Variants in ABCB1 observed in about 807,000 individuals in gnomAD.
ABCB1 encodes the protein ATP binding cassette subfamily B member 1.
A neutral mutation model predicts 142.0 loss-of-function variants in ABCB1; 69 were observed. The observed-to-expected ratio is 0.49, with a 90% CI of 0.40 to 0.59. The LOEUF is 0.59. Ranked by LOEUF, ABCB1 falls within the 20% of genes least tolerant of loss-of-function variation. The pLI is 0.00. For missense variants in ABCB1, 1,326 were observed against 1,554.7 expected (o/e 0.85, Z 2.47); for synonymous variants, 532 against 539.2 (o/e 0.99, Z 0.18).
chr7:87,515,493 C>T (rs1374419647), intron 24 of ABCB1, 65 bp from the exon 25 acceptor site: 9 of 1,440,468 alleles, frequency 6.2e-6, no homozygotes, highest in Non-Finnish European at 8.8e-6. Flanking sequence ...GTATAGCTAA[C>T]TCTCTCGATT....
intron 1 of ABCB1, chr7:87,659,159 C>A: frequency 2.5e-6 from 1 of 402,220 alleles, no homozygotes; most frequent in Non-Finnish European, 4.9e-6. Context: ...GAGACCCTGT[C>A]TCAAAACAAA....
At chr7:87,611,381 C>T (rs1475149886) in intron 1 of ABCB1, among the ~76,000 whole-genome samples, 1 of 152,176 alleles carries the variant, frequency 6.6e-6, no homozygotes, top group Non-Finnish European at 1.5e-5. Context: ...CCCTTCTTCC[C>T]TCCTTTTTAG....
intron 24 of ABCB1, among the ~76,000 whole-genome samples, chr7:87,516,235 G>A (rs143875115): frequency 1.7e-4 from 26 of 152,236 alleles, no homozygotes; most frequent in African/African-American, 6.0e-4. Context: ...GACAGAGTAA[G>A]ACTCTGTCTC....
chr7:87,538,368 A>G (rs1255351381), intron 19 of ABCB1, among the ~76,000 whole-genome samples: 9 of 152,222 alleles, frequency 5.9e-5, no homozygotes, highest in Non-Finnish European at 1.3e-4. Context: ...GTCACTAGCT[A>G]GCAATTCCCA....
chr7:87,588,431 G>T lies in ABCB1; in HGVS notation c.118-2751C>A, dbSNP rs191896659. On this transcript the variant is annotated intron_variant, in intron 3 of 27. Transcript: ENST00000622132. ...TCCCACTTTTAAGTGAGAACATGTG[G>T]TGTTTGGTTTTCTGTTCCTGTATTA... Among the ~76,000 whole-genome samples the T allele has an allele frequency of 8.5e-5, 13 of 152,290 alleles. No individual in the cohort carries two copies. In the East Asian group the frequency reaches 2.5e-3, roughly 29 times the overall value.
intron 1 of ABCB1, chr7:87,700,277 C>G (rs1306302461): frequency 1.6e-6 from 1 of 620,892 alleles, no homozygotes; most frequent in Non-Finnish European, 2.6e-6. Context: ...AGATTTGAGG[C>G]TTTTTGACAC....
chr7:87,504,476 C>G (rs1814631216), intron 27 of ABCB1, 27 bp from the exon 28 acceptor site: 1 of 1,613,368 alleles, frequency 6.2e-7, no homozygotes, highest in African/African-American at 1.3e-5. Context: ...TAGATTAATT[C>G]TCATAATAGT....
At chr7:87,623,321 C>G (rs960813404) in intron 1 of ABCB1, among the ~76,000 whole-genome samples, 4 of 152,176 alleles carry the variant, frequency 2.6e-5, no homozygotes, top group Non-Finnish European at 5.9e-5. Flanking sequence ...ATCCTCTGTT[C>G]GAACTGAGGG....
chr7:87,593,892 C>T (rs1283350841), intron 3 of ABCB1, among the ~76,000 whole-genome samples: 1 of 152,158 alleles, frequency 6.6e-6, no homozygotes, highest in Non-Finnish European at 1.5e-5. Context: ...CTGATTTTGC[C>T]TTGTATCCTT....
At chr7:87,645,085 T>TC (rs1822856345) in intron 1 of ABCB1, among the ~76,000 whole-genome samples, 1 of 149,968 alleles carries the variant, frequency 6.7e-6, no homozygotes, top group African/African-American at 2.4e-5. Context: ...TTCTTTCTTT[T>TC]TTTTTTTTTT....
At chr7:87,687,333 C>G (rs1200341910) in intron 1 of ABCB1, among the ~76,000 whole-genome samples, 1 of 151,652 alleles carries the variant, frequency 6.6e-6, no homozygotes, top group Non-Finnish European at 1.5e-5. Flanking sequence ...TGGTTAACAC[C>G]CTCATCCATT....
chr7:87,600,337 C>A, intron 1 of ABCB1, 147 bp from the exon 2 acceptor site: 1 of 715,110 alleles, frequency 1.4e-6, no homozygotes, highest in Non-Finnish European at 2.5e-6. Flanking sequence ...CCGCGATGGG[C>A]ACTGCAGGGG....
intron 1 of ABCB1, among the ~76,000 whole-genome samples, chr7:87,622,076 C>T (rs1003246677): frequency 6.6e-6 from 1 of 151,910 alleles, no homozygotes; most frequent in Non-Finnish European, 1.5e-5. Flanking sequence ...AAAGGCTATT[C>T]TAAAATGATC....
chr7:87,596,310 A>C (rs1819205421), intron 2 of ABCB1, among the ~76,000 whole-genome samples: 1 of 152,066 alleles, frequency 6.6e-6, no homozygotes, highest in South Asian at 2.1e-4. Context: ...TGGCAATTAG[A>C]TGCTGGGCAT....
intron 1 of ABCB1, among the ~76,000 whole-genome samples, chr7:87,699,893 G>C (rs1484249734): frequency 6.6e-6 from 1 of 152,184 alleles, no homozygotes; most frequent in Non-Finnish European, 1.5e-5. Flanking sequence ...TGCATTATTA[G>C]TGAATATAGG....
chr7:87,703,110 A>T (rs982466828), intron 1 of ABCB1, among the ~76,000 whole-genome samples: 1 of 152,234 alleles, frequency 6.6e-6, no homozygotes, highest in Non-Finnish European at 1.5e-5. Flanking sequence ...TGATATTTAC[A>T]GTTTTAAGAT....
At chr7:87,504,908 T>C (rs1016159670) in intron 27 of ABCB1, among the ~76,000 whole-genome samples, 2 of 151,912 alleles carry the variant, frequency 1.3e-5, no homozygotes, top group African/African-American at 4.8e-5. Flanking sequence ...GGATTTGTCA[T>C]ATCAGATGAC....
intron 25 of ABCB1, among the ~76,000 whole-genome samples, chr7:87,511,227 C>A (rs908751066): frequency 1.3e-5 from 2 of 152,098 alleles, no homozygotes; most frequent in African/African-American, 4.8e-5. Flanking sequence ...TAAAACAGAT[C>A]AAAGAAGCAG....
chr7:87,597,334 T>C (rs905938531), intron 2 of ABCB1, among the ~76,000 whole-genome samples: 1 of 152,082 alleles, frequency 6.6e-6, no homozygotes, highest in African/African-American at 2.4e-5. Flanking sequence ...TCTTTGCTAA[T>C]AGTCATATTC....
Sources: allele counts gnomAD v4.1 joint callset (sites outside exome capture counted in the v4.1 genomes callset), GRCh38; gene constraint gnomAD v4.1.1; transcripts MANE v1.5; gene names NCBI Gene and HGNC (gene_info 2026-07-23, HGNC 2026-07-21).